EDC3: variants seen among roughly 807,000 people sequenced by gnomAD.
EDC3 encodes the protein enhancer of mRNA decapping 3.
In EDC3, 20 loss-of-function variants were observed where a neutral mutation model predicts 41.8. The ratio of observed to expected loss-of-function variants is 0.48; its 90% CI spans 0.34 to 0.70. The LOEUF is 0.70. Ranked by LOEUF, EDC3 falls within the 30% of genes least tolerant of loss-of-function variation. The pLI, the probability that EDC3 is intolerant of heterozygous loss-of-function variation, is 0.01. For synonymous variants in EDC3, 206 were observed against 243.2 expected (o/e 0.85, Z 1.42); for missense variants, 444 against 636.8 (o/e 0.70, Z 3.26).
intron 4 of EDC3, among the ~76,000 whole-genome samples, chr15:74,650,734 A>C (rs2062470897): frequency 6.6e-6 from 1 of 152,230 alleles, no homozygotes; most frequent in Non-Finnish European, 1.5e-5. Flanking sequence ...GCGGTGGCTC[A>C]TGCCTGTAAT....
chr15:74,676,169 A>T (rs2062805548), intron 1 of EDC3, among the ~76,000 whole-genome samples: 1 of 152,218 alleles, frequency 6.6e-6, no homozygotes, highest in Admixed American at 6.5e-5. Flanking sequence ...TAAAAGAAGA[A>T]ATCAAAAGGG....
At chr15:74,674,763 C>T (rs1337201621) in intron 2 of EDC3, 198 bp downstream of exon 2, 15 of 593,960 alleles carry the variant, frequency 2.5e-5, no homozygotes, top group Non-Finnish European at 4.2e-5. Flanking sequence ...ACCTGAAATC[C>T]CAGCACTTCG....
intron 3 of EDC3, among the ~76,000 whole-genome samples, chr15:74,656,408 C>CACAA (rs1428609065): frequency 7.4e-6 from 1 of 135,752 alleles, no homozygotes; most frequent in Admixed American, 7.4e-5. Context: ...TGTCTCAAAA[C>CACAA]ACACACACAC....
At chr15:74,668,443 T>C (rs1375853431) in intron 3 of EDC3, among the ~76,000 whole-genome samples, 5 of 152,248 alleles carry the variant, frequency 3.3e-5, no homozygotes, top group Non-Finnish European at 1.5e-5. Flanking sequence ...AAGGGTCATC[T>C]TCAAGTGCAC....
chr15:74,633,459 C>G (rs1567150660), intron 6 of EDC3, among the ~76,000 whole-genome samples: 1 of 152,224 alleles, frequency 6.6e-6, no homozygotes, highest in Admixed American at 6.5e-5. Context: ...CCTACTCATT[C>G]TACTCTAGCA....
In EDC3 at chr15:74,632,951, A is replaced by G. The variant is rs1454947259; in HGVS notation, c.1193-5T>C. ...CCACAGGGCTAGTGGGCAGATCTGC[A>G]GGTGGAAAGAGTGCCATCTGAAAGT... is the stretch of plus-strand genomic sequence containing the variant. On this transcript the variant is annotated splice_region_variant and splice_polypyrimidine_tract_variant and intron_variant, in intron 6 of 6. Transcript: ENST00000315127. This position sits in a 1 kb window ranked among gnomAD's most constrained non-coding sequence, Gnocchi z 4.0. 6.2e-7 allele frequency: 1 copy of G among 1,612,022 alleles called. No individual in the cohort carries two copies. The highest frequency in any genetic ancestry group is 2.2e-5 in the East Asian group (1 of 44,828).
At chr15:74,633,438 A>G (rs955154010) in intron 6 of EDC3, among the ~76,000 whole-genome samples, 2 of 152,174 alleles carry the variant, frequency 1.3e-5, no homozygotes, top group Non-Finnish European at 2.9e-5. Context: ...TGCTTATTCT[A>G]TTCCAGCTGG....
At chr15:74,667,311 T>G (rs149399423) in intron 3 of EDC3, among the ~76,000 whole-genome samples, 255 of 152,152 alleles carry the variant, frequency 1.7e-3, no homozygotes, top group African/African-American at 6.1e-3. Flanking sequence ...TGGTTAAATA[T>G]ACACACATAT....
chr15:74,687,094 T>A (rs936907653), intron 1 of EDC3: 4 of 152,216 alleles, frequency 2.6e-5, no homozygotes, highest in African/African-American at 9.7e-5. Context: ...GGCTCACAGT[T>A]GTAATTCCAG....
chr15:74,681,163 AT>A (rs922510642), intron 1 of EDC3, among the ~76,000 whole-genome samples: 1 of 151,916 alleles, frequency 6.6e-6, no homozygotes, highest in Non-Finnish European at 1.5e-5. Context: ...CTAAATCAAT[AT>A]TTTTTTTGAG....
intron 3 of EDC3, among the ~76,000 whole-genome samples, chr15:74,662,418 A>AATAT: frequency 6.7e-6 from 1 of 149,460 alleles, no homozygotes; most frequent in East Asian, 1.9e-4. Flanking sequence ...TAAAAACAGC[A>AATAT]ATATATATAT....
chr15:74,634,976 T>G (rs2062253680), intron 6 of EDC3: 4 of 429,104 alleles, frequency 9.3e-6, no homozygotes, highest in Middle Eastern at 3.4e-4. Context: ...CCCTGAAATG[T>G]CCAAGTCTCC....
rs764734152 is a variant in EDC3 at position 74,632,624 on chromosome 15, C to T, written c.1515G>A (p.Leu505=). The T allele has an allele frequency of 1.2e-6, 2 of 1,613,728 alleles. No individual in the cohort carries two copies. Among genetic ancestry groups the T allele is most frequent in the Non-Finnish European group, 1.7e-6 (2 of 1,179,982 alleles). Residue 505 remains leucine (L), a synonymous_variant, in exon 7 of 7, where the codon CTG becomes CTA. Transcript: ENST00000315127. The surrounding 1 kb of genome is among the most constrained non-coding windows in gnomAD (Gnocchi z 4.0). ...GCGCAGGAACCCTCTAAGCAGAGTG[C>T]AGTGGGATAACAAACTTGCAGCCAA... ...SPFGCKFVIP[L]HSA
Position 74,653,187 on chromosome 15 carries a change from CA to C in EDC3, c.820+2545del, listed in dbSNP as rs57778832. Among the ~76,000 whole-genome samples, 356 of 99,520 alleles carry C rather than the reference CA, an allele frequency of 3.6e-3. 2 individuals carry two copies. The highest frequency in any genetic ancestry group is 4.9e-3 in the Admixed American group (45 of 9,254). The allele number at this position is 99,520 out of a possible 152,430, so 65.3% of individuals were successfully genotyped here. Reference sequence around the variant, plus strand: ...GGATGACAAAACAAGACTCTGTCTCCAAAAAAAAAAAAAAAACCTTTACCTC... The same window carrying C: ...GGATGACAAAACAAGACTCTGTCTCCAAAAAAAAAAAAAAACCTTTACCTC... On this transcript the variant is annotated intron_variant, in intron 4 of 6. Coordinates refer to ENST00000315127, the MANE Select transcript of EDC3 (RefSeq NM_025083.5).
chr15:74,678,893 A>G (rs1381099546), intron 1 of EDC3, among the ~76,000 whole-genome samples: 1 of 74,072 alleles, frequency 1.4e-5, no homozygotes. Flanking sequence ...CCGTCTCAGA[A>G]AAAAAAAAAA....
intron 5 of EDC3, chr15:74,636,191 C>G (rs2062270916): frequency 6.4e-6 from 1 of 155,690 alleles, no homozygotes; most frequent in Non-Finnish European, 1.4e-5. Flanking sequence ...TACCATAGCT[C>G]TCCATTCTCC....
chr15:74,678,480 T>C (rs1462454536), intron 1 of EDC3, among the ~76,000 whole-genome samples: 1 of 152,228 alleles, frequency 6.6e-6, no homozygotes, highest in African/African-American at 2.4e-5. Flanking sequence ...CAGGCCTAGA[T>C]GGCTTTACTG....
intron 1 of EDC3, among the ~76,000 whole-genome samples, chr15:74,685,435 AGT>A (rs142455596): frequency 2.0e-5 from 3 of 152,194 alleles, no homozygotes; most frequent in African/African-American, 7.2e-5. Context: ...ATAGATAGAT[AGT>A]GTGTGTGTCA....
intron 3 of EDC3, among the ~76,000 whole-genome samples, chr15:74,659,432 C>T (rs1232131953): frequency 1.3e-5 from 2 of 150,402 alleles, no homozygotes; most frequent in Admixed American, 1.3e-4. Flanking sequence ...TCCACTCCAG[C>T]CTGGGCAACA....
Sources: gnomAD v4.1 joint callset for allele counts (sites outside exome capture counted in the v4.1 genomes callset) on GRCh38, gnomAD v4.1.1 for gene constraint, Gnocchi (gnomAD v3.1) non-coding constraint, MANE v1.5 for transcripts, NCBI Gene and HGNC (gene_info 2026-07-23, HGNC 2026-07-21) for gene names.